MALRD1: variants seen among roughly 807,000 people sequenced by gnomAD.
The protein encoded by MALRD1 is MAM and LDL-receptor class A domain-containing protein 1.
In MALRD1, 247 loss-of-function variants were observed where a neutral mutation model predicts 242.1. The ratio of observed to expected loss-of-function variants is 1.02; its 90% CI spans 0.92 to 1.13. The LOEUF (loss-of-function observed/expected upper bound fraction) is 1.13. MALRD1 is among the 50% of genes most tolerant of loss of function. MALRD1 has a pLI of 0.00. For synonymous variants in MALRD1, 995 were observed against 866.6 expected, an observed-to-expected ratio of 1.15 and a Z score of -2.60; for missense variants, 2,989 against 2,533.1, an observed-to-expected ratio of 1.18 and a Z score of -3.86.
At chr10:19,392,132 C>A (rs1443767272) in intron 28 of MALRD1, among the ~76,000 whole-genome samples, 1 of 152,152 alleles carries the variant, frequency 6.6e-6, no homozygotes, top group African/African-American at 2.4e-5. Context: ...AACAATGCAT[C>A]CATAAATATG....
At chr10:19,639,513 G>A (rs1840292587) in intron 36 of MALRD1, among the ~76,000 whole-genome samples, 1 of 152,158 alleles carries the variant, frequency 6.6e-6, no homozygotes. Flanking sequence ...CAAAATCGGA[G>A]TTTCACTCTG....
rs1446651998 is a variant in MALRD1, at chr10:19,051,939, A to AC, written c.199+2802_199+2803insC. The stretch of plus-strand genomic sequence containing the variant: ...TCCGTCTCAAAAAAAAAAAAAAAAA[A>AC]AAAAAAAAAAAAAGGAAAGCCAAAT... On this transcript the variant is annotated intron_variant, in intron 1 of 39. Coordinates refer to ENST00000454679, the MANE Select transcript of MALRD1 (RefSeq NM_001142308.3). 9.9e-4 allele frequency: 188 copies of AC among 189,852 alleles called. 3 individuals are homozygous for AC. The highest frequency in any genetic ancestry group is 4.5e-3 in the African/African-American group (180 of 40,252). 11.8% of individuals were successfully genotyped at this position (189,852 alleles called of 1,614,324 possible).
chr10:19,243,214 A>G (rs553707440), intron 18 of MALRD1, among the ~76,000 whole-genome samples: 1 of 148,646 alleles, frequency 6.7e-6, no homozygotes, highest in Non-Finnish European at 1.5e-5. Flanking sequence ...CTCCCCCGCC[A>G]CACACACAAT....
At chr10:19,720,942 T>G (rs1355493712) in intron 38 of MALRD1, among the ~76,000 whole-genome samples, 1 of 151,962 alleles carries the variant, frequency 6.6e-6, no homozygotes, top group Non-Finnish European at 1.5e-5. Context: ...AGGGCACCAA[T>G]CTCTCATGAT....
intron 26 of MALRD1, among the ~76,000 whole-genome samples, chr10:19,366,895 A>C (rs1055707552): frequency 1.3e-5 from 2 of 152,120 alleles, no homozygotes; most frequent in Non-Finnish European, 2.9e-5. Context: ...CCACATCTTC[A>C]CCAGTATTTG....
At chr10:19,381,899 A>G (rs1421621761) in intron 26 of MALRD1, among the ~76,000 whole-genome samples, 1 of 152,058 alleles carries the variant, frequency 6.6e-6, no homozygotes, top group African/African-American at 2.4e-5. Context: ...GCAACATGAG[A>G]GTTCAGGGAA....
At chr10:19,324,192 A>G (rs1843020532) in intron 22 of MALRD1, 87 bp downstream of exon 22, 6 of 1,277,894 alleles carry the variant, frequency 4.7e-6, no homozygotes, top group Non-Finnish European at 6.5e-6. Context: ...TATTCTGTTA[A>G]TAAGTGAAAA....
chr10:19,576,290 C>T (rs1245777903), intron 33 of MALRD1, among the ~76,000 whole-genome samples: 1 of 152,184 alleles, frequency 6.6e-6, no homozygotes, highest in Non-Finnish European at 1.5e-5. Flanking sequence ...CACTTCCAAT[C>T]CCAAGTCGTA....
At chr10:19,225,944 A>G (rs1156697671) in intron 18 of MALRD1, among the ~76,000 whole-genome samples, 3 of 152,186 alleles carry the variant, frequency 2.0e-5, no homozygotes, top group Admixed American at 2.0e-4. Context: ...AGGTAATGAC[A>G]GCTTCCTCTG....
At chr10:19,142,520 A>G (rs946242981) in intron 10 of MALRD1, among the ~76,000 whole-genome samples, 1 of 152,222 alleles carries the variant, frequency 6.6e-6, no homozygotes. Flanking sequence ...AATATGCAAG[A>G]GAAAGCTTTG....
At chr10:19,126,365 A>G (rs967080544) in intron 7 of MALRD1, among the ~76,000 whole-genome samples, 30 of 152,080 alleles carry the variant, frequency 2.0e-4, no homozygotes, top group African/African-American at 7.0e-4. Flanking sequence ...TAATGTTCAC[A>G]CTCCATAACC....
chr10:19,550,403 T>G (rs1346305810), intron 32 of MALRD1, among the ~76,000 whole-genome samples: 2 of 152,124 alleles, frequency 1.3e-5, no homozygotes, highest in Non-Finnish European at 2.9e-5. Context: ...GATAAACATG[T>G]GTCTTGGTTT....
chr10:19,516,114 C>T (rs992117211), intron 31 of MALRD1, among the ~76,000 whole-genome samples: 11 of 152,110 alleles, frequency 7.2e-5, no homozygotes, highest in African/African-American at 2.2e-4. Context: ...AAAAGTTGTG[C>T]ATCTGAATTA....
At chr10:19,085,083 G>A (rs975360625) in intron 2 of MALRD1, among the ~76,000 whole-genome samples, 3 of 151,880 alleles carry the variant, frequency 2.0e-5, no homozygotes, top group African/African-American at 7.3e-5. Context: ...GGCTGCTAAA[G>A]GAAGTACAAG....
chr10:19,158,146 G>A (rs1564429681), intron 12 of MALRD1, among the ~76,000 whole-genome samples: 2 of 152,214 alleles, frequency 1.3e-5, no homozygotes, highest in South Asian at 2.1e-4. Flanking sequence ...ACTAGGAAAT[G>A]TAAAGTATGA....
chr10:19,673,858 GTACTTTTATTA>G (rs1222348134), intron 36 of MALRD1, among the ~76,000 whole-genome samples: 4 of 151,372 alleles, frequency 2.6e-5, no homozygotes, highest in African/African-American at 9.7e-5. Flanking sequence ...TAATATTTAA[GTACTTTTATTA>G]TACTTACAAA....
At chr10:19,147,853 A>T (rs1367277207) in intron 11 of MALRD1, among the ~76,000 whole-genome samples, 3 of 152,214 alleles carry the variant, frequency 2.0e-5, no homozygotes, top group African/African-American at 7.2e-5. Flanking sequence ...AGAAGACGGA[A>T]CCAAAGAGAG....
At chr10:19,548,513 A>C (rs1212654719) in intron 32 of MALRD1, among the ~76,000 whole-genome samples, 1 of 152,134 alleles carries the variant, frequency 6.6e-6, no homozygotes, top group Non-Finnish European at 1.5e-5. Flanking sequence ...GACTGGCCTG[A>C]ATCATCCTCC....
chr10:19,727,626 G>C (rs548991885), intron 38 of MALRD1, among the ~76,000 whole-genome samples: 1 of 152,084 alleles, frequency 6.6e-6, no homozygotes, highest in South Asian at 2.1e-4. Context: ...TTCTAAGTCA[G>C]TTCCTTTATC....
Sources: allele counts gnomAD v4.1 joint callset (sites outside exome capture counted in the v4.1 genomes callset), GRCh38; gene constraint gnomAD v4.1.1; transcripts MANE v1.5; gene names NCBI Gene and HGNC (gene_info 2026-07-23, HGNC 2026-07-21).